The following FGF13 variants were observed in gnomAD, a reference collection of about 807,000 sequenced individuals.
The protein encoded by FGF13 is fibroblast growth factor homologous factor 2.
Under a neutral mutation model 19.5 loss-of-function variants are expected in FGF13, and 2 were observed. The observed-to-expected ratio is 0.10, with a 90% CI of 0.04 to 0.32. The LOEUF is 0.32. Ranked by LOEUF, FGF13 falls within the 10% of genes least tolerant of loss-of-function variation. The pLI is 1.00. For synonymous variants in FGF13, 72 were observed against 76.9 expected (o/e 0.94, Z 0.33); for missense variants, 113 against 192.7 (o/e 0.59, Z 2.45).
chrX:138,866,871 A>G (rs1033689253), intron 1 of FGF13, among the ~76,000 whole-genome samples: 3 of 111,881 alleles, frequency 2.7e-5, no homozygotes, highest in African/African-American at 9.7e-5. Flanking sequence ...AGTACTAAGT[A>G]TGGGTCAATT....
At chrX:138,759,651 T>C (rs745920074) in intron 3 of FGF13, among the ~76,000 whole-genome samples, 1 of 111,952 alleles carries the variant, frequency 8.9e-6, no homozygotes, top group African/African-American at 3.2e-5. Context: ...ACTGGCCTAC[T>C]TCTCAAGTGC....
chrX:139,106,243 A>T (rs1403399219), intron 1 of FGF13, among the ~76,000 whole-genome samples: 1 of 112,516 alleles, frequency 8.9e-6, no homozygotes, highest in Non-Finnish European at 1.9e-5. Flanking sequence ...GCAACTCCAC[A>T]GAGGCAGTCA....
In FGF13 at chrX:138,629,351, A is replaced by G. The variant is rs2089093707; in HGVS notation, c.*3499T>C. On this transcript the variant is annotated 3_prime_UTR_variant, in exon 5 of 5. Coordinates refer to ENST00000315930, the MANE Select transcript of FGF13 (RefSeq NM_004114.5). ...GCACGCTAATCCTGAAGAAAGGAAT[A>G]GTGTATGCCAGTGTGATATGGTTTG... The G allele has an allele frequency of 8.9e-6, 1 of 112,207 alleles. No individual in the cohort carries two copies. Among genetic ancestry groups the G allele is most frequent in the Admixed American group, 9.5e-5 (1 of 10,579 alleles). The allele number at this position is 112,207 out of a possible 1,213,427, so 9.2% of individuals were successfully genotyped here.
intron 1 of FGF13, among the ~76,000 whole-genome samples, chrX:138,965,232 C>T (rs2091890298): frequency 8.9e-6 from 1 of 112,354 alleles, no homozygotes; most frequent in African/African-American, 3.2e-5. Flanking sequence ...AACTCCCTTA[C>T]TCATCTCTCA....
At chrX:138,943,376 G>A (rs776934830) in intron 1 of FGF13, among the ~76,000 whole-genome samples, 7 of 112,209 alleles carry the variant, frequency 6.2e-5, no homozygotes, top group Non-Finnish European at 1.1e-4. Flanking sequence ...GACAGTACAC[G>A]GCAACTAAAG....
intron 1 of FGF13, among the ~76,000 whole-genome samples, chrX:138,910,871 A>G (rs1004687261): frequency 9.8e-5 from 11 of 112,285 alleles, no homozygotes; most frequent in African/African-American, 3.6e-4. Flanking sequence ...TCCAAAGCCC[A>G]GGCTTTTTCA....
Position 139,023,903 on chromosome X carries a change from C to A in FGF13, c.-112-159253G>T, listed in dbSNP as rs1178753265. On this transcript the variant is annotated intron_variant, in intron 1 of 2. Transcript: ENST00000421460. ...ATGTGATTTTTTCTTTTATCTTTTTCTATATTTTTAATATATTTTACAATG... is the reference window on the plus strand; with the variant it reads ...ATGTGATTTTTTCTTTTATCTTTTTATATATTTTTAATATATTTTACAATG... Among the ~76,000 whole-genome samples the A allele has an allele frequency of 4.5e-5, 5 of 111,368 alleles. No homozygotes were observed. In the East Asian group the frequency reaches 8.5e-4, roughly 19 times the overall value.
At chrX:139,072,545 T>C (rs1172938781) in intron 1 of FGF13, among the ~76,000 whole-genome samples, 1 of 112,069 alleles carries the variant, frequency 8.9e-6, no homozygotes, top group African/African-American at 3.2e-5. Context: ...AATAACTATT[T>C]TTTCTCACCT....
At chrX:138,958,251 G>A (rs1037408126) in intron 1 of FGF13, among the ~76,000 whole-genome samples, 1 of 111,729 alleles carries the variant, frequency 9.0e-6, no homozygotes, top group African/African-American at 3.3e-5. Context: ...GTTGAATTTT[G>A]TCAAAGGCCT....
At chrX:138,912,502 A>G (rs2124227810) in intron 1 of FGF13, among the ~76,000 whole-genome samples, 1 of 111,809 alleles carries the variant, frequency 8.9e-6, no homozygotes, top group African/African-American at 3.2e-5. Context: ...ATGCTACTGA[A>G]TTAGAGTTAG....
chrX:138,878,553 G>T (rs1156361167), intron 1 of FGF13, among the ~76,000 whole-genome samples: 1 of 107,728 alleles, frequency 9.3e-6, no homozygotes, highest in Non-Finnish European at 1.9e-5. Context: ...GTCTATCGTT[G>T]TTGGACATTT....
At position 138,711,010 on chromosome X, in the gene FGF13, G is replaced by T. The variant is rs369837814; in HGVS notation, c.-7C>A. 4.1e-6 allele frequency: 5 copies of T among 1,208,287 alleles called. No individual in the cohort carries two copies. The highest frequency in any genetic ancestry group is 4.5e-6 in the Non-Finnish European group (4 of 894,168). On this transcript the variant is annotated 5_prime_UTR_variant, in exon 1 of 5. Transcript: ENST00000315930. ...TGGCGATAGCCGCCGCCATGGCCAC[G>T]ACGCCCACCACCACCGCTTCTTTTG...
At chrX:139,127,917 A>C (rs2083728899) in intron 1 of FGF13, among the ~76,000 whole-genome samples, 1 of 109,709 alleles carries the variant, frequency 9.1e-6, no homozygotes, top group South Asian at 4.0e-4. Flanking sequence ...TTAGAACCTC[A>C]CCCTCCTTTG....
At position 138,972,370 on chromosome X, in the gene FGF13, T is replaced by G. The variant is rs1439943645; in HGVS notation, c.-112-107720A>C. Among the ~76,000 whole-genome samples, 15 of 107,062 alleles carry G rather than the reference T, an allele frequency of 1.4e-4. No individual in the cohort carries two copies. In the East Asian group the frequency reaches 4.4e-3, roughly 31 times the overall value. 93.0% of individuals were successfully genotyped at this position (107,062 alleles called of 115,157 possible). A position where few individuals can be genotyped will look rare whatever the true frequency, so the allele number is the denominator to read the frequency against. ...TCTTCACCAGAATTTTTTTTTTTTT[T>G]TTTTGAATCAGAGTCTTGCTTTGTC... On this transcript the variant is annotated intron_variant, in intron 1 of 2. Coordinates refer to the FGF13 transcript ENST00000421460.
At chrX:138,674,038 T>C (rs1343209681) in intron 3 of FGF13, among the ~76,000 whole-genome samples, 1 of 110,317 alleles carries the variant, frequency 9.1e-6, no homozygotes, top group Non-Finnish European at 1.9e-5. Context: ...TTCAAAATAA[T>C]TAATTAGGTT....
At position 138,683,415 on chromosome X, in the gene FGF13, T is replaced by TCACA. The variant is rs376513383; in HGVS notation, c.402+19565_402+19568dup. The stretch of plus-strand genomic sequence containing the variant: ...CACAAACACACTCTCTCTCTCTCTC[T>TCACA]CACACACACACACACACACACACAG... On this transcript the variant is annotated intron_variant, in intron 3 of 4. Coordinates refer to ENST00000315930, the MANE Select transcript of FGF13 (RefSeq NM_004114.5). 1.7e-3 allele frequency among the ~76,000 whole-genome samples: 180 copies of TCACA among 103,424 alleles called. 1 individual carries two copies. The highest frequency in any genetic ancestry group is 5.5e-3 in the African/African-American group (156 of 28,607). The allele number at this position is 103,424 out of a possible 115,157, so 89.8% of individuals were successfully genotyped here. A position where few individuals can be genotyped will look rare whatever the true frequency, so the allele number is the denominator to read the frequency against.
At position 138,628,007 on chromosome X, in the gene FGF13, C is replaced by T. The variant is rs780319042; in HGVS notation, c.*4843G>A. On this transcript the variant is annotated 3_prime_UTR_variant, in exon 5 of 5. Coordinates refer to ENST00000315930, the MANE Select transcript of FGF13 (RefSeq NM_004114.5). ...TCTCTGTGCAACAAATTCAAACCAACCTCTAAAGAGTAACAGTGTTTAAAG... is the reference window on the plus strand; with the variant it reads ...TCTCTGTGCAACAAATTCAAACCAATCTCTAAAGAGTAACAGTGTTTAAAG... 16 of 111,739 alleles carry T rather than the reference C, an allele frequency of 1.4e-4. No homozygotes were observed. In the South Asian group the frequency reaches 5.3e-3, roughly 37 times the overall value. 9.2% of individuals were successfully genotyped at this position (111,739 alleles called of 1,213,427 possible). A position where few individuals can be genotyped will look rare whatever the true frequency, so the allele number is the denominator to read the frequency against.
chrX:139,042,570 G>A (rs1315423165), intron 1 of FGF13, among the ~76,000 whole-genome samples: 3 of 73,958 alleles, frequency 4.1e-5, no homozygotes, highest in Non-Finnish European at 9.1e-5. Flanking sequence ...ATGCATTTAT[G>A]TAAAAAAAAT....
intron 1 of FGF13, among the ~76,000 whole-genome samples, chrX:138,892,032 G>GTGTGTA (rs1569419135): frequency 2.8e-5 from 3 of 108,300 alleles, no homozygotes; most frequent in African/African-American, 1.0e-4. Context: ...GTGTGTGTGT[G>GTGTGTA]TATTATCTCC....
Sources: gnomAD v4.1 joint callset for allele counts (sites outside exome capture counted in the v4.1 genomes callset) on GRCh38, gnomAD v4.1.1 for gene constraint, MANE v1.5 for transcripts, NCBI Gene and HGNC (gene_info 2026-07-23, HGNC 2026-07-21) for gene names.